OVCH1: variants seen among roughly 807,000 people sequenced by gnomAD.
OVCH1 encodes ovochymase-1.
A neutral mutation model predicts 138.4 loss-of-function variants in OVCH1; 139 were observed. That is an observed-to-expected ratio of 1.00 (90% CI 0.87 to 1.16). OVCH1 has a LOEUF of 1.16. OVCH1 is among the 50% of genes most tolerant of loss of function. The probability of loss-of-function intolerance (pLI) is 0.00; values close to 1 mark genes in which losing one functional copy is unlikely to be tolerated. For missense variants in OVCH1, 1,367 were observed against 1,357.9 expected (o/e 1.01, Z -0.11); for synonymous variants, 453 against 467.8 (o/e 0.97, Z 0.41).
At chr12:29,497,362 G>T (rs1056089078) in intron 1 of OVCH1, among the ~76,000 whole-genome samples, 1 of 152,184 alleles carries the variant, frequency 6.6e-6, no homozygotes, top group African/African-American at 2.4e-5. Flanking sequence ...GGTTTCCTTG[G>T]AGGAGGCTCC....
downstream of OVCH1, among the ~76,000 whole-genome samples, chr12:29,411,031 C>G (rs1390468947): frequency 6.7e-6 from 1 of 149,212 alleles, no homozygotes; most frequent in African/African-American, 2.4e-5. Context: ...CTCTAAACTT[C>G]CCGTCTCACT....
the OVCH1 span, among the ~76,000 whole-genome samples, chr12:29,407,409 A>G: frequency 6.7e-6 from 1 of 149,912 alleles, no homozygotes; most frequent in African/African-American, 2.4e-5. Flanking sequence ...GGTATTGCCT[A>G]GGTTTTCTTC....
chr12:29,494,114 C>A lies in OVCH1; in HGVS notation c.454+1171G>T, dbSNP rs186248266. Among the ~76,000 whole-genome samples the A allele has an allele frequency of 3.9e-5, 6 of 152,254 alleles. No individual in the cohort carries two copies. The East Asian group carries it at 1.2e-3, about 29-fold the overall frequency. ...CCTCTGTCCAGAGCCAAGGTTGAGA[C>A]AAGTAAGTGTCCTTATTCCCTCACT... On this transcript the variant is annotated intron_variant, in intron 4 of 27. Transcript: ENST00000318184.
chr12:29,478,913 T>C (rs370187681), intron 8 of OVCH1: 4 of 1,572,526 alleles, frequency 2.5e-6, no homozygotes, highest in Non-Finnish European at 3.5e-6. Context: ...TCTAAACTTG[T>C]AAATTTTATC....
intron 2 of OVCH1, 104 bp downstream of exon 2, chr12:29,496,452 G>C (rs1427109565): frequency 8.6e-6 from 10 of 1,163,140 alleles, no homozygotes; most frequent in African/African-American, 1.5e-5. Context: ...GAGCTAGAGG[G>C]GTTCAGGAGA....
At chr12:29,419,209 A>G (rs992795471) in intron 3 of OVCH1, among the ~76,000 whole-genome samples, 4 of 152,188 alleles carry the variant, frequency 2.6e-5, no homozygotes, top group African/African-American at 9.7e-5. Flanking sequence ...CTTGGAAAAT[A>G]GGGATTTCTC....
At chr12:29,449,276 TACACACACACACACACACACACACAC>T (rs10651165) in intron 22 of OVCH1, among the ~76,000 whole-genome samples, 136 of 137,438 alleles carry the variant, frequency 9.9e-4, no homozygotes, top group African/African-American at 3.5e-3. Context: ...CCCCCCTCCC[TACACACACACACACACACACACACAC>T]ACACACACAC....
intron 23 of OVCH1, among the ~76,000 whole-genome samples, chr12:29,444,634 TTAAC>T (rs754154901): frequency 5.3e-5 from 8 of 152,182 alleles, no homozygotes; most frequent in Admixed American, 2.6e-4. Context: ...TATTACTTAA[TTAAC>T]TTTTTCCAAA....
chr12:29,442,566 T>C (rs1037469909), intron 25 of OVCH1, among the ~76,000 whole-genome samples: 1 of 151,532 alleles, frequency 6.6e-6, no homozygotes, highest in East Asian at 1.9e-4. Flanking sequence ...GGCACATGTA[T>C]ACATATGTAA....
Position 29,483,932 on chromosome 12 carries a change from C to A in OVCH1, c.995+2314G>T, listed in dbSNP as rs139357101. Among the ~76,000 whole-genome samples the A allele has an allele frequency of 1.7e-4, 26 of 152,292 alleles. No individual in the cohort carries two copies. In the Middle Eastern group the frequency reaches 0.01, roughly 60 times the overall value. On this transcript the variant is annotated intron_variant, in intron 8 of 27. Transcript: ENST00000318184. ...CACACCAAAGAGAATTAGTCTCTAT[C>A]TTTTATAGTGTGCACTTTCTTGGAT... is the stretch of plus-strand genomic sequence containing the variant.
At chr12:29,476,432 CAG>C (rs1341823327) in intron 12 of OVCH1, 133 bp from the exon 13 acceptor site, 2 of 750,598 alleles carry the variant, frequency 2.7e-6, no homozygotes, top group East Asian at 5.0e-5. Context: ...TAAATAATTG[CAG>C]TCTCTTTGAA....
intron 8 of OVCH1, among the ~76,000 whole-genome samples, chr12:29,479,297 C>T (rs1942847847): frequency 6.6e-6 from 1 of 151,978 alleles, no homozygotes; most frequent in Non-Finnish European, 1.5e-5. Flanking sequence ...TACTATTCAC[C>T]CAGAGGTTGA....
At chr12:29,471,582 TAA>T (rs1335824385) in intron 16 of OVCH1, among the ~76,000 whole-genome samples, 1 of 152,160 alleles carries the variant, frequency 6.6e-6, no homozygotes, top group Non-Finnish European at 1.5e-5. Context: ...CAAAACAAAA[TAA>T]GAGATCTATT....
chr12:29,459,578 G>T (rs918951141), intron 19 of OVCH1, among the ~76,000 whole-genome samples: 24 of 152,020 alleles, frequency 1.6e-4, no homozygotes, highest in Middle Eastern at 3.2e-3. Flanking sequence ...GCACAACAGG[G>T]TAACTACAGT....
At chr12:29,421,244 A>G (rs1341071671) in intron 3 of OVCH1, among the ~76,000 whole-genome samples, 2 of 152,270 alleles carry the variant, frequency 1.3e-5, no homozygotes, top group South Asian at 2.1e-4. Context: ...AAATTGGTCA[A>G]CAGCTGGAAT....
chr12:29,486,343 C>G, exon 8 of OVCH1: 3 of 1,611,672 alleles, frequency 1.9e-6, no homozygotes, highest in Non-Finnish European at 2.5e-6. Context: ...TGGCCCCGAT[C>G]CAAACCTGTA....
chr12:29,465,129 G>A lies in OVCH1; in HGVS notation c.1929+18C>T. ...ATTTAGATTACAGGCAGAATGACCT[G>A]TAAAAACATTTTTTCACCTGCTCTG... On this transcript the variant is annotated intron_variant, in intron 17 of 27. Transcript: ENST00000318184. The A allele has an allele frequency of 6.3e-7, 1 of 1,582,626 alleles. No homozygotes were observed. The highest frequency in any genetic ancestry group is 8.6e-7 in the Non-Finnish European group (1 of 1,162,348).
At chr12:29,414,249 C>T (rs1941003212) in intron 3 of OVCH1, among the ~76,000 whole-genome samples, 1 of 152,136 alleles carries the variant, frequency 6.6e-6, no homozygotes, top group Non-Finnish European at 1.5e-5. Context: ...TGGTCTTGAA[C>T]TCCTGACCTC....
downstream of OVCH1, among the ~76,000 whole-genome samples, chr12:29,408,562 TAA>T (rs1194707180): frequency 2.4e-5 from 3 of 126,440 alleles, no homozygotes; most frequent in Admixed American, 2.5e-4. Context: ...TCTATTGAGA[TAA>T]TCATGTGGTT....
Sources: allele counts gnomAD v4.1 joint callset (sites outside exome capture counted in the v4.1 genomes callset), GRCh38; gene constraint gnomAD v4.1.1; transcripts MANE v1.5; gene names NCBI Gene and HGNC (gene_info 2026-07-23, HGNC 2026-07-21).